PDZD2: variants seen among roughly 807,000 people sequenced by gnomAD.
PDZD2 encodes PDZ domain-containing protein 2.
A neutral mutation model predicts 220.7 loss-of-function variants in PDZD2; 90 were observed. That is an observed-to-expected ratio of 0.41 (90% CI 0.34 to 0.49). PDZD2 has a LOEUF of 0.49. PDZD2 is among the 20% of genes least tolerant of loss of function. The pLI, the probability that PDZD2 is intolerant of heterozygous loss-of-function variation, is 0.28. For synonymous variants in PDZD2, 1,375 were observed against 1,450.5 expected (o/e 0.95, Z 1.18); for missense variants, 3,174 against 3,608.5 (o/e 0.88, Z 3.08).
chr5:31,983,114 G>T, intron 2 of PDZD2, 41 bp from the exon 3 acceptor site: 1 of 1,583,634 alleles, frequency 6.3e-7, no homozygotes, highest in Non-Finnish European at 8.6e-7. Context: ...GTCTAGGAAG[G>T]GTGTGTGGGG....
intron 2 of PDZD2, among the ~76,000 whole-genome samples, chr5:31,837,530 C>A (rs1296823671): frequency 6.6e-6 from 1 of 152,182 alleles, no homozygotes; most frequent in Non-Finnish European, 1.5e-5. Flanking sequence ...TGAGACCAGC[C>A]TGGCCAACCT....
At chr5:31,868,386 A>C (rs1580941526) in intron 2 of PDZD2, among the ~76,000 whole-genome samples, 2 of 152,300 alleles carry the variant, frequency 1.3e-5, no homozygotes, top group South Asian at 2.1e-4. Flanking sequence ...TGGAGGTTGC[A>C]GTAAGCCAAG....
chr5:31,720,177 T>C (rs1748705107), intron 1 of PDZD2, among the ~76,000 whole-genome samples: 1 of 152,224 alleles, frequency 6.6e-6, no homozygotes, highest in Non-Finnish European at 1.5e-5. Context: ...TCTCTTCTAA[T>C]TGGCAGAGCC....
chr5:31,862,819 C>G (rs903710783), intron 2 of PDZD2, among the ~76,000 whole-genome samples: 2 of 152,166 alleles, frequency 1.3e-5, no homozygotes, highest in Non-Finnish European at 2.9e-5. Flanking sequence ...CCTCTGCCTC[C>G]CGGGTTCAGT....
chr5:31,651,994 A>ATATT (rs1745369325), intron 1 of PDZD2, among the ~76,000 whole-genome samples: 3 of 130,326 alleles, frequency 2.3e-5, no homozygotes, highest in African/African-American at 8.7e-5. Context: ...TAATTTTTGT[A>ATATT]TTTTTTTTTT....
chr5:31,807,710 G>A (rs1033048382), intron 2 of PDZD2, among the ~76,000 whole-genome samples: 10 of 152,150 alleles, frequency 6.6e-5, no homozygotes, highest in African/African-American at 1.4e-4. Flanking sequence ...ACCGGGTCCC[G>A]GAGCCTGCAG....
chr5:31,722,394 C>A (rs748493296), intron 1 of PDZD2, among the ~76,000 whole-genome samples: 12 of 151,860 alleles, frequency 7.9e-5, no homozygotes, highest in Non-Finnish European at 1.8e-4. Flanking sequence ...TCCCCTGGAA[C>A]CCTCCCACCC....
At chr5:31,920,152 C>T (rs1465432791) in intron 2 of PDZD2, among the ~76,000 whole-genome samples, 1 of 151,838 alleles carries the variant, frequency 6.6e-6, no homozygotes, top group East Asian at 1.9e-4. Context: ...GGCATAGTGG[C>T]ACGCACCTAT....
At chr5:31,709,493 AT>A (rs199784431) in intron 1 of PDZD2, among the ~76,000 whole-genome samples, 58,425 of 149,296 alleles carry the variant, frequency 0.39, 12,050 homozygotes, top group African/African-American at 0.55. Flanking sequence ...AGGAAAAAAA[AT>A]AAAATAAAAG....
chr5:32,063,983 T>G (rs1189928995), intron 14 of PDZD2, among the ~76,000 whole-genome samples: 2 of 152,208 alleles, frequency 1.3e-5, no homozygotes, highest in African/African-American at 2.4e-5. Context: ...ACTTCTGTAA[T>G]TAAGGCCTAA....
At chr5:32,092,787 G>A in intron 20 of PDZD2, 120 bp from the exon 21 acceptor site, 1 of 507,802 alleles carries the variant, frequency 2.0e-6, no homozygotes, top group Non-Finnish European at 3.5e-6. Context: ...GACCAAAAGA[G>A]AGCAGAAAAT....
rs1004266417 is a variant in PDZD2 at position 32,088,156 on chromosome 5, C to T, written c.4708C>T (p.Arg1570Ter). The change falls in exon 20 of 25, where the codon CGA (arginine) becomes TGA (stop). Residue 1570 changes from arginine (R) to a stop codon, truncating the protein, a stop_gained. Coordinates refer to ENST00000438447, the MANE Select transcript of PDZD2 (RefSeq NM_178140.4). LOFTEE classifies it high-confidence loss of function. The surrounding 1 kb of genome is among the most constrained non-coding windows in gnomAD (Gnocchi z 4.6). ...SDPESLTEAP[R>*]ASARDGWSPP... ...CCCTGAGTCACTCACTGAAGCCCCA[C>T]GAGCTTCTGCCAGGGACGGCTGGTC... The T allele has an allele frequency of 1.9e-6, 3 of 1,614,088 alleles. No individual in the cohort carries two copies. Among genetic ancestry groups the T allele is most frequent in the Non-Finnish European group, 2.5e-6 (3 of 1,179,950 alleles).
intron 1 of PDZD2, among the ~76,000 whole-genome samples, chr5:31,705,207 CACA>C (rs1747769628): frequency 7.9e-4 from 13 of 16,500 alleles, no homozygotes; most frequent in East Asian, 0.01. Context: ...CACACACACA[CACA>C]TACACACTCA....
rs546841698 is a variant in PDZD2 at position 31,649,695 on chromosome 5, G to A, written c.-361+10258G>A. 5.3e-5 allele frequency among the ~76,000 whole-genome samples: 8 copies of A among 152,142 alleles called. No individual in the cohort carries two copies. In the South Asian group the frequency reaches 6.2e-4, roughly 12 times the overall value. On this transcript the variant is annotated intron_variant, in intron 1 of 24. Transcript: ENST00000438447. ...CATGCCTGTAATCCCAGCACTCTGG[G>A]AGGCCAAGGCAGGCAGATCACGAGG...
At chr5:31,994,315 TG>T (rs1275516796) in intron 3 of PDZD2, among the ~76,000 whole-genome samples, 2 of 151,780 alleles carry the variant, frequency 1.3e-5, no homozygotes, top group African/African-American at 4.8e-5. Context: ...GCCTGTTTTT[TG>T]TTTTTTTTTT....
In PDZD2 at chr5:32,002,745, CA is replaced by C. The variant is rs1265228428; in HGVS notation, c.1254+2476del. Among the ~76,000 whole-genome samples, 456 of 47,700 alleles carry C rather than the reference CA, an allele frequency of 9.6e-3. 17 individuals carry two copies. Among genetic ancestry groups the C allele is most frequent in the South Asian group, 0.062 (59 of 954 alleles). The allele number at this position is 47,700 out of a possible 152,430, so 31.3% of individuals were successfully genotyped here. On this transcript the variant is annotated intron_variant, in intron 5 of 24. Transcript: ENST00000438447. The stretch of plus-strand genomic sequence containing the variant: ...ACACCAACACACACACCCCACACAC[CA>C]ACACACACACCCCACACACCACACA...
chr5:31,925,063 A>G (rs911679670), intron 2 of PDZD2, among the ~76,000 whole-genome samples: 3 of 152,214 alleles, frequency 2.0e-5, no homozygotes, highest in African/African-American at 7.2e-5. Flanking sequence ...AGGCTGGAAA[A>G]TTGGGACTGA....
chr5:32,073,294 C>T (rs1740931764), intron 17 of PDZD2, among the ~76,000 whole-genome samples: 1 of 152,116 alleles, frequency 6.6e-6, no homozygotes. Flanking sequence ...AAAATCGTTG[C>T]AGATTCAGGT....
chr5:31,829,333 A>ATTT (rs34522826), intron 2 of PDZD2, among the ~76,000 whole-genome samples: 2 of 145,810 alleles, frequency 1.4e-5, no homozygotes, highest in African/African-American at 5.1e-5. Context: ...AGCTTAGTGA[A>ATTT]TTTTTTTTTT....
Sources: gnomAD v4.1 joint callset for allele counts (sites outside exome capture counted in the v4.1 genomes callset) on GRCh38, gnomAD v4.1.1 for gene constraint, Gnocchi (gnomAD v3.1) non-coding constraint, MANE v1.5 for transcripts, NCBI Gene and HGNC (gene_info 2026-07-23, HGNC 2026-07-21) for gene names.